CNPY1: variants seen among roughly 807,000 people sequenced by gnomAD.
The protein encoded by CNPY1 is canopy FGF signaling regulator 1.
A neutral mutation model predicts 14.4 loss-of-function variants in CNPY1; 14 were observed. That is an observed-to-expected ratio of 0.97 (90% confidence interval 0.64 to 1.52). CNPY1 has a LOEUF of 1.52. CNPY1 is among the 40% of genes most tolerant of loss of function. The pLI, the probability that CNPY1 is intolerant of heterozygous loss-of-function variation, is 0.00. For missense variants in CNPY1, 129 were observed against 131.5 expected, an observed-to-expected ratio of 0.98 and a Z score of 0.09; for synonymous variants, 43 against 46.5, an observed-to-expected ratio of 0.92 and a Z score of 0.31.
At chr7:155,512,739 GT>G (rs1585306321) in intron 2 of CNPY1, among the ~76,000 whole-genome samples, 1 of 152,172 alleles carries the variant, frequency 6.6e-6, no homozygotes, top group East Asian at 1.9e-4. Context: ...TGGTATATCT[GT>G]CTCTCCCATT....
intron 4 of CNPY1, among the ~76,000 whole-genome samples, chr7:155,505,228 C>T (rs1038863806): frequency 2.0e-5 from 3 of 152,172 alleles, no homozygotes; most frequent in South Asian, 2.1e-4. Flanking sequence ...GGACTCACCC[C>T]GCTTCACTAC....
intron 2 of CNPY1, chr7:155,510,445 C>G (rs1422048420): frequency 1.3e-5 from 2 of 152,200 alleles, no homozygotes; most frequent in African/African-American, 2.4e-5. Flanking sequence ...ATACCGCCGC[C>G]GATTAACTAT....
At chr7:155,537,282 C>T (rs1797034542) in intron 2 of CNPY1, among the ~76,000 whole-genome samples, 1 of 152,100 alleles carries the variant, frequency 6.6e-6, no homozygotes, top group Non-Finnish European at 1.5e-5. Flanking sequence ...CTTAAAGCAC[C>T]AAAGGACACA....
chr7:155,535,092 C>G (rs879773343), intron 2 of CNPY1, among the ~76,000 whole-genome samples: 1 of 152,164 alleles, frequency 6.6e-6, no homozygotes, highest in Admixed American at 6.5e-5. Flanking sequence ...GCAAAGGGCA[C>G]GGAGAAGGCT....
chr7:155,522,641 G>C (rs549640356), intron 2 of CNPY1, among the ~76,000 whole-genome samples: 4 of 152,278 alleles, frequency 2.6e-5, no homozygotes, highest in South Asian at 4.1e-4. Context: ...AGGGCCAGAG[G>C]GGGTGAGCAC....
chr7:155,514,055 G>A (rs1421321), intron 2 of CNPY1, among the ~76,000 whole-genome samples: 39,007 of 152,100 alleles, frequency 0.26, 5,549 homozygotes, highest in East Asian at 0.45. Context: ...CCTCCGGTGG[G>A]CACCGCTCAG....
chr7:155,507,632 T>C (rs1458412964), intron 3 of CNPY1, among the ~76,000 whole-genome samples: 1 of 152,136 alleles, frequency 6.6e-6, no homozygotes, highest in Non-Finnish European at 1.5e-5. Flanking sequence ...TCAATTTCAC[T>C]GTGGAGAACA....
intron 2 of CNPY1, among the ~76,000 whole-genome samples, chr7:155,517,194 T>C (rs1048396919): frequency 2.6e-5 from 4 of 152,094 alleles, no homozygotes; most frequent in East Asian, 1.9e-4. Flanking sequence ...GATCGGGTCA[T>C]TGAGGTGGCC....
In CNPY1 at chr7:155,502,352, C is replaced by T. The variant is rs1430823447; in HGVS notation, c.*716G>A. ...CAGAAGAGTTTGGAGCGAAACAAAA[C>T]GCAATCACTAGTGTCATCTTTTAAC... is the stretch of plus-strand genomic sequence containing the variant. On this transcript the variant is annotated 3_prime_UTR_variant, in exon 5 of 5. Transcript: ENST00000636446. 5 of 151,968 alleles carry T rather than the reference C, an allele frequency of 3.3e-5. No individual in the cohort carries two copies. The highest frequency in any genetic ancestry group is 9.7e-5 in the African/African-American group (4 of 41,394). The allele number at this position is 151,968 out of a possible 1,614,324, so 9.4% of individuals were successfully genotyped here.
intron 2 of CNPY1, among the ~76,000 whole-genome samples, chr7:155,537,382 G>C (rs950005114): frequency 2.0e-5 from 3 of 151,940 alleles, no homozygotes; most frequent in African/African-American, 7.3e-5. Flanking sequence ...ACAATTCAAG[G>C]AAGGGCCACA....
intron 2 of CNPY1, among the ~76,000 whole-genome samples, chr7:155,525,830 G>A (rs1206914510): frequency 6.6e-6 from 1 of 152,212 alleles, no homozygotes; most frequent in African/African-American, 2.4e-5. Flanking sequence ...TACCCAGTAG[G>A]TGAACAGGTG....
Position 155,536,858 on chromosome 7 carries a change from A to G in CNPY1, c.99+8973T>C, listed in dbSNP as rs1278434999. ...TACTTAAACTATTCTGACAAACACCATCAGTAAAGAATCATGCCAGCAATT... is the reference window on the plus strand; with the variant it reads ...TACTTAAACTATTCTGACAAACACCGTCAGTAAAGAATCATGCCAGCAATT... On this transcript the variant is annotated intron_variant, in intron 2 of 4. Transcript: ENST00000636446. The surrounding 1 kb of genome is among the most constrained non-coding windows in gnomAD (Gnocchi z 4.1). 6.6e-6 allele frequency among the ~76,000 whole-genome samples: 1 copy of G among 152,230 alleles called. No individual in the cohort carries two copies. The highest frequency in any genetic ancestry group is 1.5e-5 in the Non-Finnish European group (1 of 68,036).
intron 2 of CNPY1, among the ~76,000 whole-genome samples, chr7:155,537,395 A>G (rs2116753598): frequency 6.6e-6 from 1 of 151,790 alleles, no homozygotes; most frequent in African/African-American, 2.4e-5. Flanking sequence ...GGGCCACATC[A>G]CAGCTTTCTG....
chr7:155,522,253 G>A (rs571939375), intron 2 of CNPY1, among the ~76,000 whole-genome samples: 4 of 152,366 alleles, frequency 2.6e-5, no homozygotes, highest in African/African-American at 4.8e-5. Context: ...GGTGGGTATC[G>A]CTACCGCATG....
At chr7:155,522,220 A>G (rs1188737752) in intron 2 of CNPY1, among the ~76,000 whole-genome samples, 3 of 152,240 alleles carry the variant, frequency 2.0e-5, no homozygotes, top group African/African-American at 4.8e-5. Flanking sequence ...ATAGAGGTGC[A>G]GTCTTCTGTG....
chr7:155,542,545 G>A (rs1406551879), intron 2 of CNPY1, among the ~76,000 whole-genome samples: 1 of 152,192 alleles, frequency 6.6e-6, no homozygotes, highest in Non-Finnish European at 1.5e-5. Context: ...GGGGCTGGGG[G>A]ATTTCTGTCT....
chr7:155,531,621 C>T (rs1265384000), intron 2 of CNPY1, among the ~76,000 whole-genome samples: 1 of 152,162 alleles, frequency 6.6e-6, no homozygotes, highest in African/African-American at 2.4e-5. Flanking sequence ...GAGACACAGC[C>T]AGCGTTCAGA....
At chr7:155,535,758 C>A (rs1449757124) in intron 2 of CNPY1, among the ~76,000 whole-genome samples, 1 of 152,148 alleles carries the variant, frequency 6.6e-6, no homozygotes, top group Non-Finnish European at 1.5e-5. Context: ...TCATTTGCAG[C>A]TGGAGGGTTC....
rs1796241672 is a variant in CNPY1, at chr7:155,504,722, A to ACACACC, written c.401-1618_401-1617insGGTGTG. 6.1e-5 allele frequency among the ~76,000 whole-genome samples: 9 copies of ACACACC among 147,824 alleles called. No individual in the cohort carries two copies. In the South Asian group the frequency reaches 1.7e-3, roughly 29 times the overall value. On this transcript the variant is annotated intron_variant, in intron 4 of 4. Coordinates refer to ENST00000636446, the MANE Select transcript of CNPY1 (RefSeq NM_001393663.1). ...CACACACACACACACACACACACAC[A>ACACACC]CACACAGTCACATCTTTAAGACACT...
Sources: gnomAD v4.1 joint callset for allele counts (sites outside exome capture counted in the v4.1 genomes callset) on GRCh38, gnomAD v4.1.1 for gene constraint, Gnocchi (gnomAD v3.1) non-coding constraint, MANE v1.5 for transcripts, NCBI Gene and HGNC (gene_info 2026-07-23, HGNC 2026-07-21) for gene names.